The following ELOC variants were observed in gnomAD, a reference collection of about 807,000 sequenced individuals.
ELOC encodes the protein elongin C, also known as elongin-C.
For synonymous variants in ELOC, 40 were observed against 51.3 expected (o/e 0.78, Z 0.94); for missense variants, 38 against 139.0 (o/e 0.27, Z 3.65).
chr8:73,955,256 G>A (rs1333282768), intron 3 of ELOC, among the ~76,000 whole-genome samples: 1 of 152,116 alleles, frequency 6.6e-6, no homozygotes, highest in East Asian at 1.9e-4. Flanking sequence ...ATCACCTGAG[G>A]TCAGGAGTTC....
intron 1 of ELOC, chr8:73,970,470 T>C (rs1308456742): frequency 6.6e-6 from 1 of 152,176 alleles, no homozygotes; most frequent in Non-Finnish European, 1.5e-5. Context: ...TTTTGAATGG[T>C]AGTTATCAAA....
intron 3 of ELOC, among the ~76,000 whole-genome samples, chr8:73,947,279 G>A (rs184291185): frequency 1.1e-3 from 167 of 152,092 alleles, no homozygotes; most frequent in African/African-American, 3.8e-3. Context: ...GAGCCACCGC[G>A]CCCGGCCATG....
Position 73,959,826 on chromosome 8 carries a change from T to C in ELOC, c.-50-8A>G. ...AGGAACTTTAGTAGTTTCCTGAAAATATAACAATATCATATTAAGATTAAT... is the reference window on the plus strand; with the variant it reads ...AGGAACTTTAGTAGTTTCCTGAAAACATAACAATATCATATTAAGATTAAT... On this transcript the variant is annotated splice_polypyrimidine_tract_variant and splice_region_variant and intron_variant, in intron 1 of 3. Coordinates refer to ENST00000520242, the MANE Select transcript of ELOC (RefSeq NM_005648.4). 1 of 1,390,846 alleles carries C rather than the reference T, an allele frequency of 7.2e-7. No individual in the cohort carries two copies. The highest frequency in any genetic ancestry group is 9.8e-7 in the Non-Finnish European group (1 of 1,021,102). The allele number at this position is 1,390,846 out of a possible 1,614,324, so 86.2% of individuals were successfully genotyped here. A position where few individuals can be genotyped will look rare whatever the true frequency, so the allele number is the denominator to read the frequency against.
At chr8:73,951,323 C>T (rs1031489495) in intron 3 of ELOC, among the ~76,000 whole-genome samples, 1 of 152,010 alleles carries the variant, frequency 6.6e-6, no homozygotes, top group African/African-American at 2.4e-5. Context: ...GTGTATTACA[C>T]AGTTCTCTTT....
At chr8:73,963,042 G>A (rs772030075) in intron 1 of ELOC, among the ~76,000 whole-genome samples, 10 of 152,212 alleles carry the variant, frequency 6.6e-5, no homozygotes, top group Non-Finnish European at 1.2e-4. Context: ...AAAGCCACTC[G>A]TAGGGGAACC....
rs1190394204 is a variant in ELOC, at chr8:73,955,620, A to T, written c.148+291T>A. 10 of 276,170 alleles carry T rather than the reference A, an allele frequency of 3.6e-5. No individual in the cohort carries two copies. In the South Asian group the frequency reaches 4.3e-4, roughly 12 times the overall value. The allele number at this position is 276,170 out of a possible 1,614,324, so 17.1% of individuals were successfully genotyped here. On this transcript the variant is annotated intron_variant, in intron 3 of 3. Coordinates refer to ENST00000520242, the MANE Select transcript of ELOC (RefSeq NM_005648.4). ...GACTCTGTCTCAAAAAAAAAAAAAA[A>T]AATTAGCCAGGGGTGGTGGTACACA... is the stretch of plus-strand genomic sequence containing the variant.
At chr8:73,966,641 CTTT>C (rs75407672) in intron 1 of ELOC, among the ~76,000 whole-genome samples, 24 of 137,744 alleles carry the variant, frequency 1.7e-4, no homozygotes, top group Non-Finnish European at 1.6e-4. Flanking sequence ...GCTAAAATTT[CTTT>C]TTTTTTTTTT....
intron 1 of ELOC, among the ~76,000 whole-genome samples, chr8:73,968,460 C>T (rs915147427): frequency 6.6e-6 from 1 of 152,178 alleles, no homozygotes; most frequent in Non-Finnish European, 1.5e-5. Flanking sequence ...TCCAAACTCC[C>T]TTGTTTCAGT....
chr8:73,959,088 T>C (rs1301933105), intron 2 of ELOC, among the ~76,000 whole-genome samples: 1 of 152,182 alleles, frequency 6.6e-6, no homozygotes, highest in African/African-American at 2.4e-5. Context: ...GGTATACCTG[T>C]ATAGGGCACT....
intron 1 of ELOC, among the ~76,000 whole-genome samples, chr8:73,967,212 C>A (rs1815044846): frequency 1.3e-5 from 2 of 152,178 alleles, no homozygotes; most frequent in South Asian, 4.1e-4. Context: ...AATCTGTGGA[C>A]AAAATAAATC....
intron 3 of ELOC, among the ~76,000 whole-genome samples, chr8:73,954,935 G>A (rs1317039294): frequency 6.7e-6 from 1 of 149,816 alleles, no homozygotes; most frequent in East Asian, 2.0e-4. Context: ...TCGGGAGGCT[G>A]AGGCAGAAGA....
intron 1 of ELOC, among the ~76,000 whole-genome samples, chr8:73,963,164 G>A (rs1333326520): frequency 2.6e-5 from 4 of 151,934 alleles, no homozygotes; most frequent in Admixed American, 1.3e-4. Flanking sequence ...GTTTTTTTGT[G>A]TATGTTTGTG....
At chr8:73,967,467 T>TC (rs1291318780) in intron 1 of ELOC, among the ~76,000 whole-genome samples, 1 of 136,028 alleles carries the variant, frequency 7.4e-6, no homozygotes, top group Non-Finnish European at 1.6e-5. Context: ...AATTTTCTTT[T>TC]CTTTTTTTTT....
intron 1 of ELOC, among the ~76,000 whole-genome samples, chr8:73,960,528 T>C (rs1814520427): frequency 6.6e-6 from 1 of 152,188 alleles, no homozygotes; most frequent in South Asian, 2.1e-4. Context: ...GGAGGGGTGC[T>C]GAAGACTCAG....
chr8:73,969,027 C>T (rs1275368816), intron 1 of ELOC, among the ~76,000 whole-genome samples: 1 of 152,198 alleles, frequency 6.6e-6, no homozygotes, highest in Non-Finnish European at 1.5e-5. Context: ...ATTTAACATT[C>T]CCTATTTGAT....
At chr8:73,959,348 A>G (rs755363082) in intron 2 of ELOC, among the ~76,000 whole-genome samples, 8 of 152,212 alleles carry the variant, frequency 5.3e-5, no homozygotes, top group Non-Finnish European at 8.8e-5. Context: ...CAGCTGGACT[A>G]TAAGCGTGAG....
Position 73,946,021 on chromosome 8 carries a change from C to T in ELOC, c.*609G>A, listed in dbSNP as rs1317827070. On this transcript the variant is annotated 3_prime_UTR_variant, in exon 4 of 4. Transcript: ENST00000520242. ...TACAGTTCAGTTTCTTCTGCAAAAGCTGTACCTAGTAACCTTCCAAAATTG... is the reference window on the plus strand; with the variant it reads ...TACAGTTCAGTTTCTTCTGCAAAAGTTGTACCTAGTAACCTTCCAAAATTG... 6.6e-6 allele frequency: 1 copy of T among 151,338 alleles called. No individual in the cohort carries two copies. The highest frequency in any genetic ancestry group is 1.5e-5 in the Non-Finnish European group (1 of 68,022). 9.4% of individuals were successfully genotyped at this position (151,338 alleles called of 1,614,324 possible).
rs559654814 is a variant in ELOC, at chr8:73,970,790, G to T, written c.-51+1287C>A. ...AATCGTAGCTCTTTGGGAGGTGGAG[G>T]CGGGCGGATCACCTGAGGTCAGGAG... is the stretch of plus-strand genomic sequence containing the variant. On this transcript the variant is annotated intron_variant, in intron 1 of 3. Transcript: ENST00000520242. Among the ~76,000 whole-genome samples, 26 of 151,616 alleles carry T rather than the reference G, an allele frequency of 1.7e-4. 1 individual carries two copies. In the South Asian group the frequency reaches 5.2e-3, roughly 30 times the overall value.
At chr8:73,953,307 AAAC>A (rs979308061) in intron 3 of ELOC, among the ~76,000 whole-genome samples, 19 of 151,912 alleles carry the variant, frequency 1.3e-4, no homozygotes, top group Admixed American at 3.9e-4. Context: ...CTATCTCAAA[AAAC>A]AACCACCATC....
Sources: allele counts gnomAD v4.1 joint callset (sites outside exome capture counted in the v4.1 genomes callset), GRCh38; gene constraint gnomAD v4.1.1; transcripts MANE v1.5; gene names NCBI Gene and HGNC (gene_info 2026-07-23, HGNC 2026-07-21).